The following NIPBL variants were observed in gnomAD, a reference collection of about 807,000 sequenced individuals.
The protein encoded by NIPBL is NIPBL cohesin loading factor, also known as nipped-B-like protein.
In NIPBL, 19 loss-of-function variants were observed where a neutral mutation model predicts 321.8. The observed-to-expected ratio is 0.06, with a 90% confidence interval of 0.04 to 0.09. The LOEUF (loss-of-function observed/expected upper bound fraction) is 0.09, where lower values mean the gene tolerates loss of function less well. Among genes scored for constraint, NIPBL ranks in the 10% least tolerant of loss-of-function variants. NIPBL has a pLI of 1.00. For missense variants in NIPBL, 2,210 were observed against 3,327.0 expected (o/e 0.66, Z 8.26); for synonymous variants, 1,106 against 1,114.1 (o/e 0.99, Z 0.14).
At chr5:36,897,888 G>GAAA (rs34089902) in intron 1 of NIPBL, among the ~76,000 whole-genome samples, 5 of 96,784 alleles carry the variant, frequency 5.2e-5, no homozygotes, top group Admixed American at 1.1e-4. Context: ...GTCATACAGG[G>GAAA]AAAAAAAAAA....
intron 10 of NIPBL, among the ~76,000 whole-genome samples, chr5:36,989,100 A>G (rs946030566): frequency 3.9e-5 from 6 of 152,204 alleles, no homozygotes; most frequent in African/African-American, 1.2e-4. Context: ...GTACAGATTA[A>G]AATTAGATAA....
intron 36 of NIPBL, among the ~76,000 whole-genome samples, chr5:37,044,947 G>A (rs1326262507): frequency 1.3e-5 from 2 of 152,024 alleles, no homozygotes; most frequent in Non-Finnish European, 2.9e-5. Context: ...AGTAAAGATT[G>A]GTAAATTTTT....
At chr5:37,032,826 G>A (rs1751222846) in intron 32 of NIPBL, among the ~76,000 whole-genome samples, 1 of 152,024 alleles carries the variant, frequency 6.6e-6, no homozygotes, top group Admixed American at 6.6e-5. Flanking sequence ...TCGTTAGAGA[G>A]TGTTCATGAT....
chr5:37,042,264 G>C (rs1411323635), intron 34 of NIPBL, among the ~76,000 whole-genome samples: 1 of 145,452 alleles, frequency 6.9e-6, no homozygotes, highest in Non-Finnish European at 1.5e-5. Context: ...GTGAAACCCT[G>C]TCTCTACTAA....
intron 1 of NIPBL, among the ~76,000 whole-genome samples, chr5:36,898,622 C>T (rs1045512883): frequency 1.9e-4 from 29 of 152,038 alleles, no homozygotes; most frequent in Admixed American, 4.6e-4. Context: ...AGTGATTCTC[C>T]TGTCTCAGCC....
At chr5:36,883,819 G>T (rs946767810) in intron 1 of NIPBL, among the ~76,000 whole-genome samples, 1 of 144,106 alleles carries the variant, frequency 6.9e-6, no homozygotes, top group Non-Finnish European at 1.5e-5. Context: ...ATGTAATTCA[G>T]TTTTTTTTTT....
intron 24 of NIPBL, 72 bp downstream of exon 24, chr5:37,017,234 T>C: frequency 7.1e-7 from 1 of 1,401,678 alleles, no homozygotes; most frequent in Middle Eastern, 2.2e-4. Context: ...TACATTAGTT[T>C]TGCATTTCAT....
At chr5:36,902,861 A>G (rs533144728) in intron 1 of NIPBL, among the ~76,000 whole-genome samples, 1 of 152,264 alleles carries the variant, frequency 6.6e-6, no homozygotes, top group Admixed American at 6.5e-5. Flanking sequence ...TTTGGGCAGT[A>G]TGACCATTTT....
chr5:36,916,680 G>A (rs1048585438), intron 1 of NIPBL, among the ~76,000 whole-genome samples: 1 of 151,590 alleles, frequency 6.6e-6, no homozygotes, highest in African/African-American at 2.4e-5. Context: ...GCCCCAGTGT[G>A]TGATGTTCCC....
At position 37,048,551 on chromosome 5, in the gene NIPBL, G is replaced by A; in HGVS notation, c.6639G>A (p.Lys2213=). The A allele has an allele frequency of 1.3e-6, 2 of 1,585,068 alleles. No individual in the cohort carries two copies. The highest frequency in any genetic ancestry group is 1.7e-6 in the Non-Finnish European group (2 of 1,165,500). Residue 2213 remains lysine, a synonymous_variant, in exon 39 of 47, where the codon AAG becomes AAA. Coordinates refer to ENST00000282516, the MANE Select transcript of NIPBL (RefSeq NM_133433.4). ...HPSLMFEQEV[K]NLYNNILSDK... is the part of the protein sequence containing the mutation. The stretch of plus-strand genomic sequence containing the variant: ...GTCTAATGTTCGAGCAAGAAGTGAA[G>A]AATCTATATAATAATATTTTATCTG...
At chr5:36,933,587 A>T (rs1056594855) in intron 1 of NIPBL, among the ~76,000 whole-genome samples, 5 of 152,106 alleles carry the variant, frequency 3.3e-5, no homozygotes, top group Non-Finnish European at 7.4e-5. Context: ...TTTGTTTTTA[A>T]TGTCAATCTA....
rs927487135 is a variant in NIPBL, at chr5:37,029,100, A to G, written c.5862+1688A>G. On this transcript the variant is annotated intron_variant, in intron 32 of 46. Transcript: ENST00000282516. ...CATAGGTGGTGTTGAATATTATTGC[A>G]TCACAGCAGGAAGCACATATCTAGT... Among the ~76,000 whole-genome samples, 15 of 152,220 alleles carry G rather than the reference A, an allele frequency of 9.9e-5. 1 individual carries two copies. Among genetic ancestry groups the G allele is most frequent in the Admixed American group, 9.8e-4 (15 of 15,282 alleles).
At position 36,923,010 on chromosome 5, in the gene NIPBL, CA is replaced by C. The variant is rs553299113; in HGVS notation, c.-79-30607del. On this transcript the variant is annotated intron_variant, in intron 1 of 46. Coordinates refer to ENST00000282516, the MANE Select transcript of NIPBL (RefSeq NM_133433.4). ...AACCAATTAAAGCTGGCTTCTAGGC[CA>C]GGGCTGGTGGCTCACACCTGTAATC... Among the ~76,000 whole-genome samples, 1,230 of 151,422 alleles carry C rather than the reference CA, an allele frequency of 8.1e-3. 22 individuals carry two copies. Among genetic ancestry groups the C allele is most frequent in the African/African-American group, 0.029 (1,167 of 40,762 alleles).
intron 1 of NIPBL, chr5:36,886,451 G>A: frequency 1.3e-6 from 1 of 746,094 alleles, no homozygotes; most frequent in East Asian, 2.5e-5. Flanking sequence ...ATAGTGGATG[G>A]CAGAGTGGTG....
chr5:37,022,021 T>G (rs1219915230), intron 27 of NIPBL, 30 bp from the exon 28 acceptor site: 1 of 1,571,448 alleles, frequency 6.4e-7, no homozygotes, highest in Non-Finnish European at 8.8e-7. Context: ...TATTCTAAAA[T>G]TTACAAAAAT....
At position 37,022,085 on chromosome 5, in the gene NIPBL, T is replaced by C; in HGVS notation, c.5363T>C (p.Val1788Ala). Residue 1788 changes from valine to alanine, a missense_variant, in exon 28 of 47, where the codon GTT becomes GCT. By Grantham distance (64) the Val-to-Ala change is moderately conservative. Transcript: ENST00000282516. Reference sequence around the variant, plus strand: ...GTTCTTGGTGAAAATGCAATTGCTGTTCGAACAAAAGCCATGAAGTGTTTG... The same window carrying C: ...GTTCTTGGTGAAAATGCAATTGCTGCTCGAACAAAAGCCATGAAGTGTTTG... The part of the protein sequence containing the change: ...LRVLGENAIA[V>A]RTKAMKCLSE... The C allele has an allele frequency of 6.2e-7, 1 of 1,614,192 alleles. No homozygotes were observed.
At position 36,900,352 on chromosome 5, in the gene NIPBL, A is replaced by G. The variant is rs554395007; in HGVS notation, c.-80+23174A>G. Among the ~76,000 whole-genome samples, 130 of 152,300 alleles carry G rather than the reference A, an allele frequency of 8.5e-4. 1 individual carries two copies. Among genetic ancestry groups the G allele is most frequent in the African/African-American group, 2.9e-3 (120 of 41,554 alleles). On this transcript the variant is annotated intron_variant, in intron 1 of 46. Transcript: ENST00000282516. ...TATATGCAAATACTACACCATTTTAAATTAGAGACTTTAGCGTCCATGAAT... is the reference window on the plus strand; with the variant it reads ...TATATGCAAATACTACACCATTTTAGATTAGAGACTTTAGCGTCCATGAAT...
chr5:37,013,990 G>A (rs1422022475), intron 21 of NIPBL, among the ~76,000 whole-genome samples: 3 of 152,220 alleles, frequency 2.0e-5, no homozygotes, highest in African/African-American at 4.8e-5. Context: ...CGGATCACTC[G>A]CGGTTAGGAG....
chr5:36,890,554 T>C (rs1746243788), intron 1 of NIPBL, among the ~76,000 whole-genome samples: 1 of 152,200 alleles, frequency 6.6e-6, no homozygotes, highest in Admixed American at 6.5e-5. Context: ...CTCTTGATGA[T>C]AAACAGTTGT....
Sources: gnomAD v4.1 joint callset for allele counts (sites outside exome capture counted in the v4.1 genomes callset) on GRCh38, gnomAD v4.1.1 for gene constraint, MANE v1.5 for transcripts, NCBI Gene and HGNC (gene_info 2026-07-23, HGNC 2026-07-21) for gene names.